Variants in FNBP1 observed in about 807,000 individuals in gnomAD.
FNBP1 encodes formin-binding protein 1.
In FNBP1, 26 loss-of-function variants were observed where a neutral mutation model predicts 90.6. The observed-to-expected ratio is 0.29, with a 90% CI of 0.21 to 0.40. The LOEUF is 0.40. Among genes scored for constraint, FNBP1 ranks in the 10% least tolerant of loss-of-function variants. The pLI is 1.00. For missense variants in FNBP1, 635 were observed against 768.0 expected (o/e 0.83, Z 2.05); for synonymous variants, 260 against 265.2 (o/e 0.98, Z 0.19).
chr9:129,923,197 G>T lies in FNBP1; in HGVS notation c.1170+647C>A, dbSNP rs113486839. Among the ~76,000 whole-genome samples the T allele has an allele frequency of 8.5e-3, 1,296 of 151,676 alleles. 16 individuals are homozygous for T. Among genetic ancestry groups the T allele is most frequent in the African/African-American group, 0.03 (1,234 of 41,344 alleles). On this transcript the variant is annotated intron_variant, in intron 10 of 16. Transcript: ENST00000446176. ...TAGTTTTAGAAATGAAATCTAAGTG[G>T]TTTTTTTTGGTAAAATTAAGGTAGA...
chr9:130,009,418 T>C (rs1347872597), intron 1 of FNBP1, among the ~76,000 whole-genome samples: 1 of 152,084 alleles, frequency 6.6e-6, no homozygotes, highest in Non-Finnish European at 1.5e-5. Context: ...TCCTGGCACT[T>C]TGGGAGGCCG....
intron 2 of FNBP1, among the ~76,000 whole-genome samples, chr9:129,984,882 T>C (rs897422561): frequency 3.3e-5 from 5 of 152,124 alleles, no homozygotes; most frequent in African/African-American, 1.2e-4. Flanking sequence ...CCAGCCATGA[T>C]TCTGAGGCCT....
chr9:129,997,366 A>C (rs975255221), intron 1 of FNBP1, among the ~76,000 whole-genome samples: 2 of 152,132 alleles, frequency 1.3e-5, no homozygotes, highest in African/African-American at 2.4e-5. Flanking sequence ...AAAGTGCAAA[A>C]TGTTTGTCTT....
intron 13 of FNBP1, among the ~76,000 whole-genome samples, 193 bp downstream of exon 13, chr9:129,902,676 A>G (rs1458806825): frequency 6.6e-6 from 1 of 152,184 alleles, no homozygotes; most frequent in Admixed American, 6.6e-5. Context: ...CACGATTAAG[A>G]TAGGCTATGA....
the FNBP1 span, among the ~76,000 whole-genome samples, chr9:130,050,737 C>CA: frequency 2.0e-5 from 3 of 150,930 alleles, no homozygotes; most frequent in African/African-American, 7.3e-5. Context: ...CTCCTGGGCT[C>CA]AAGCAATCCT....
intron 2 of FNBP1, among the ~76,000 whole-genome samples, chr9:129,984,590 C>G (rs1195741572): frequency 2.0e-5 from 3 of 152,164 alleles, no homozygotes; most frequent in African/African-American, 7.2e-5. Flanking sequence ...GCTGAGTGCC[C>G]TGGGGGTTCG....
At chr9:129,941,561 G>C (rs1030825000) in intron 6 of FNBP1, among the ~76,000 whole-genome samples, 1 of 152,074 alleles carries the variant, frequency 6.6e-6, no homozygotes, top group Admixed American at 6.6e-5. Flanking sequence ...AACTTCCCAG[G>C]CTCAAGCAAT....
intron 4 of FNBP1, among the ~76,000 whole-genome samples, chr9:129,975,319 C>G (rs946430094): frequency 6.6e-6 from 1 of 152,142 alleles, no homozygotes; most frequent in Non-Finnish European, 1.5e-5. Flanking sequence ...TCTAAAATGT[C>G]ATTTTAATTT....
chr9:130,041,214 A>G lies in FNBP1; in HGVS notation c.24+1738T>C, dbSNP rs896966287. Among the ~76,000 whole-genome samples, 1 of 152,116 alleles carries G rather than the reference A, an allele frequency of 6.6e-6. No individual in the cohort carries two copies. The highest frequency in any genetic ancestry group is 2.4e-5 in the African/African-American group (1 of 41,426). On this transcript the variant is annotated intron_variant, in intron 1 of 16. Transcript: ENST00000446176. This position sits in a 1 kb window ranked among gnomAD's most constrained non-coding sequence, Gnocchi z 4.3. ...ACCCTCAAAAAGAAATGTACAGAAT[A>G]ATGCAAGCAATTGCCGCTGTTTTAG...
rs187069904 is a variant in FNBP1 at position 130,014,630 on chromosome 9, C to T, written c.25-19672G>A. On this transcript the variant is annotated intron_variant, in intron 1 of 16. Transcript: ENST00000446176. ...CTATTTTTGTACATATTATTCTATA[C>T]ATACATATTTTCATACATTCTTTTG... is the stretch of plus-strand genomic sequence containing the variant. Among the ~76,000 whole-genome samples, 5 of 152,220 alleles carry T rather than the reference C, an allele frequency of 3.3e-5. No homozygotes were observed. The East Asian group carries it at 9.6e-4, about 29-fold the overall frequency.
At chr9:129,980,226 G>A (rs762992247) in intron 2 of FNBP1, among the ~76,000 whole-genome samples, 3 of 151,778 alleles carry the variant, frequency 2.0e-5, no homozygotes, top group Non-Finnish European at 4.4e-5. Flanking sequence ...TGGGCATGGT[G>A]GCGCATGCCT....
chr9:129,910,813 G>A (rs1395792844), intron 11 of FNBP1, among the ~76,000 whole-genome samples: 1 of 150,442 alleles, frequency 6.6e-6, no homozygotes, highest in Non-Finnish European at 1.5e-5. Context: ...TGTTCTCAAA[G>A]ACACACCCAT....
chr9:129,996,747 T>C (rs2054065527), intron 1 of FNBP1, among the ~76,000 whole-genome samples: 2 of 152,160 alleles, frequency 1.3e-5, no homozygotes, highest in Non-Finnish European at 2.9e-5. Flanking sequence ...TCCCCCAGGC[T>C]GGAGTGCAGT....
At position 129,981,551 on chromosome 9, in the gene FNBP1, A is replaced by G. The variant is rs145823431; in HGVS notation, c.141-2177T>C. Among the ~76,000 whole-genome samples, 50 of 152,256 alleles carry G rather than the reference A, an allele frequency of 3.3e-4. No homozygotes were observed. In the Middle Eastern group the frequency reaches 0.01, roughly 31 times the overall value. On this transcript the variant is annotated intron_variant, in intron 2 of 16. Coordinates refer to ENST00000446176, the MANE Select transcript of FNBP1 (RefSeq NM_015033.3). The stretch of plus-strand genomic sequence containing the variant: ...TGCCTAGAAAAATATGTGATAATCA[A>G]TTTACAATTTTGATCATGGTATGTT...
intron 4 of FNBP1, among the ~76,000 whole-genome samples, chr9:129,961,055 G>A (rs1253497415): frequency 6.6e-6 from 1 of 152,054 alleles, no homozygotes; most frequent in African/African-American, 2.4e-5. Flanking sequence ...GCTCATGCCT[G>A]TAATCCCATC....
chr9:129,899,859 G>C, intron 15 of FNBP1, 106 bp downstream of exon 15: 1 of 1,027,264 alleles, frequency 9.7e-7, no homozygotes, highest in Non-Finnish European at 1.4e-6. Flanking sequence ...AAGGACAAAG[G>C]AATAAAAATG....
intron 3 of FNBP1, 133 bp downstream of exon 3, chr9:129,979,185 T>C: frequency 1.8e-6 from 1 of 569,992 alleles, no homozygotes; most frequent in South Asian, 2.6e-5. Context: ...TATTGTTCTC[T>C]CCTCCAATTT....
At chr9:129,910,118 C>T in intron 11 of FNBP1, 1 of 456,246 alleles carries the variant, frequency 2.2e-6, no homozygotes, top group Non-Finnish European at 4.4e-6. Context: ...CATATGCTTA[C>T]TTGTTAGAAA....
intron 8 of FNBP1, 81 bp downstream of exon 8, chr9:129,927,114 A>C: frequency 7.1e-7 from 1 of 1,417,434 alleles, no homozygotes; most frequent in African/African-American, 1.4e-5. Flanking sequence ...AGATGATGAC[A>C]TGAGGTCAAA....
Sources: allele counts gnomAD v4.1 joint callset (sites outside exome capture counted in the v4.1 genomes callset), GRCh38; gene constraint gnomAD v4.1.1; non-coding constraint Gnocchi (gnomAD v3.1); transcripts MANE v1.5; gene names NCBI Gene and HGNC (gene_info 2026-07-23, HGNC 2026-07-21).